CTNNA2: variants seen among roughly 807,000 people sequenced by gnomAD.
CTNNA2 encodes catenin alpha-2.
A neutral mutation model predicts 101.0 loss-of-function variants in CTNNA2; 42 were observed. That is an observed-to-expected ratio of 0.42 (90% confidence interval 0.32 to 0.54). The LOEUF (loss-of-function observed/expected upper bound fraction) is 0.54. Among genes scored for constraint, CTNNA2 ranks in the 20% least tolerant of loss-of-function variants. The probability of loss-of-function intolerance (pLI) is 0.14; values close to 1 mark genes in which losing one functional copy is unlikely to be tolerated. For synonymous variants in CTNNA2, 450 were observed against 456.4 expected (o/e 0.99, Z 0.18); for missense variants, 871 against 1,223.1 (o/e 0.71, Z 4.29).
intron 15 of CTNNA2, among the ~76,000 whole-genome samples, chr2:80,589,911 C>CGT (rs1558621268): frequency 9.5e-5 from 14 of 147,776 alleles, no homozygotes; most frequent in East Asian, 2.0e-4. Context: ...TGTGTGCGCG[C>CGT]GCGCGCATGT....
chr2:79,218,311 T>TTGCGTGTGTG (rs1553383233), intron 2 of CTNNA2, among the ~76,000 whole-genome samples: 59 of 114,762 alleles, frequency 5.1e-4, no homozygotes, highest in Non-Finnish European at 8.5e-4. Flanking sequence ...TTCATGAACT[T>TTGCGTGTGTG]TGTGTGTGTG....
chr2:80,386,680 T>G (rs189136412), intron 7 of CTNNA2, among the ~76,000 whole-genome samples: 1 of 152,340 alleles, frequency 6.6e-6, no homozygotes, highest in Admixed American at 6.5e-5. Context: ...TGATTTTGAC[T>G]TCCATTTCTT....
At chr2:79,924,244 C>G (rs56155905) in intron 7 of CTNNA2, among the ~76,000 whole-genome samples, 6 of 151,940 alleles carry the variant, frequency 3.9e-5, no homozygotes, top group African/African-American at 1.4e-4. Context: ...TCACCTTTCT[C>G]TTTTCTTTAT....
chr2:79,869,643 A>G (rs976340997), intron 4 of CTNNA2, among the ~76,000 whole-genome samples, 173 bp from the exon 5 acceptor site: 1 of 152,204 alleles, frequency 6.6e-6, no homozygotes, highest in Middle Eastern at 3.2e-3. Flanking sequence ...GTCTTGAATA[A>G]CTATTTAATC....
At chr2:79,808,197 T>C (rs1041225230) in intron 3 of CTNNA2, among the ~76,000 whole-genome samples, 1 of 152,190 alleles carries the variant, frequency 6.6e-6, no homozygotes, top group Admixed American at 6.6e-5. Context: ...TGAGACCTTA[T>C]CTACTGTGCC....
intron 2 of CTNNA2, among the ~76,000 whole-genome samples, chr2:79,665,136 C>T (rs1171159992): frequency 1.3e-5 from 2 of 152,154 alleles, no homozygotes; most frequent in Non-Finnish European, 2.9e-5. Context: ...CTGGGTCTCT[C>T]ATTTCACAAG....
chr2:80,236,974 C>G (rs1307756393), intron 7 of CTNNA2, among the ~76,000 whole-genome samples: 2 of 152,152 alleles, frequency 1.3e-5, no homozygotes, highest in African/African-American at 4.8e-5. Context: ...TTTCAAACCT[C>G]TGTTTTAAGA....
intron 12 of CTNNA2, among the ~76,000 whole-genome samples, chr2:80,570,395 G>C (rs1694479290): frequency 6.6e-6 from 1 of 152,202 alleles, no homozygotes; most frequent in Non-Finnish European, 1.5e-5. Flanking sequence ...TGAGCGAAGA[G>C]CAGCAATGTG....
chr2:79,632,476 A>G (rs1393207258), intron 1 of CTNNA2, among the ~76,000 whole-genome samples: 2 of 152,222 alleles, frequency 1.3e-5, no homozygotes, highest in South Asian at 2.1e-4. Flanking sequence ...TAATGTTTTT[A>G]TAGTGCGATG....
intron 9 of CTNNA2, among the ~76,000 whole-genome samples, chr2:80,476,472 A>C (rs1025031400): frequency 6.6e-6 from 1 of 152,206 alleles, no homozygotes; most frequent in Non-Finnish European, 1.5e-5. Flanking sequence ...CTCAGAAAAC[A>C]AAGTGACAGA....
intron 7 of CTNNA2, chr2:80,313,398 ATGTGGTGCCTACCC>A: frequency 7.3e-7 from 1 of 1,371,116 alleles, no homozygotes; most frequent in South Asian, 1.9e-5. Context: ...GTTAGATAAA[ATGTGGTGCCTACCC>A]TGTGTGTTCA....
intron 4 of CTNNA2, among the ~76,000 whole-genome samples, chr2:79,859,826 TATCTACTTGCC>T (rs1681449125): frequency 6.6e-6 from 1 of 152,152 alleles, no homozygotes; most frequent in Admixed American, 6.5e-5. Context: ...CTTGGTTTGG[TATCTACTTGCC>T]ATCTGTCTGG....
chr2:79,799,769 T>C lies in CTNNA2; in HGVS notation c.298+55187T>C, dbSNP rs148867092. The stretch of plus-strand genomic sequence containing the variant: ...CATATTCCTTTCATTCTTTAAACTA[T>C]ATTTAATTTATTTTTCCACAGGGTT... On this transcript the variant is annotated intron_variant, in intron 3 of 18. Coordinates refer to ENST00000402739, the MANE Select transcript of CTNNA2 (RefSeq NM_001282597.3). Among the ~76,000 whole-genome samples, 378 of 152,356 alleles carry C rather than the reference T, an allele frequency of 2.5e-3. 2 individuals carry two copies. The highest frequency in any genetic ancestry group is 8.8e-3 in the African/African-American group (366 of 41,586).
chr2:79,802,074 A>C lies in CTNNA2; in HGVS notation c.299-55939A>C, dbSNP rs147745930. On this transcript the variant is annotated intron_variant, in intron 3 of 18. Coordinates refer to ENST00000402739, the MANE Select transcript of CTNNA2 (RefSeq NM_001282597.3). ...ACAAAAGAAAAGGCAGAAGCTTCTG[A>C]GCTTCTGACTCCTCTTCCCAGGATA... 8.8e-3 allele frequency among the ~76,000 whole-genome samples: 1,343 copies of C among 152,066 alleles called. 5 individuals carry two copies. The highest frequency in any genetic ancestry group is 0.017 in the Middle Eastern group (5 of 294).
chr2:79,196,586 T>C (rs892518035), intron 1 of CTNNA2, among the ~76,000 whole-genome samples: 3 of 152,232 alleles, frequency 2.0e-5, no homozygotes, highest in South Asian at 2.1e-4. Context: ...GTATCTATTT[T>C]GTACAATTGC....
At chr2:79,246,851 C>T (rs1674706819) in intron 2 of CTNNA2, among the ~76,000 whole-genome samples, 1 of 152,242 alleles carries the variant, frequency 6.6e-6, no homozygotes, top group African/African-American at 2.4e-5. Flanking sequence ...ACTATTCAAG[C>T]TCTATCTGAG....
chr2:79,511,187 A>T (rs2103822452), upstream of CTNNA2, among the ~76,000 whole-genome samples: 1 of 152,298 alleles, frequency 6.6e-6, no homozygotes, highest in Non-Finnish European at 1.5e-5. Flanking sequence ...GACCATTCAA[A>T]TTCATAGGTG....
chr2:80,457,113 G>A (rs1184103005), intron 9 of CTNNA2, among the ~76,000 whole-genome samples: 4 of 151,538 alleles, frequency 2.6e-5, no homozygotes, highest in Middle Eastern at 3.4e-3. Flanking sequence ...GTCTCGCTCT[G>A]TCACCCAGGC....
chr2:80,551,502 T>C (rs572156238), intron 11 of CTNNA2, among the ~76,000 whole-genome samples: 1 of 152,352 alleles, frequency 6.6e-6, no homozygotes, highest in African/African-American at 2.4e-5. Context: ...GCTAGATCTT[T>C]AGGATAACTT....
Sources: gnomAD v4.1 joint callset for allele counts (sites outside exome capture counted in the v4.1 genomes callset) on GRCh38, gnomAD v4.1.1 for gene constraint, MANE v1.5 for transcripts, NCBI Gene and HGNC (gene_info 2026-07-23, HGNC 2026-07-21) for gene names.